IL15: variants seen among roughly 807,000 people sequenced by gnomAD.
IL15 encodes the protein interleukin 15.
IL15 carries 11 observed loss-of-function variants against 19.6 expected under a neutral mutation model. That is an observed-to-expected ratio of 0.56 (90% CI 0.35 to 0.93). The LOEUF (loss-of-function observed/expected upper bound fraction) is 0.93, where lower values mean the gene tolerates loss of function less well. Ranked by LOEUF, IL15 falls within the 40% of genes least tolerant of loss-of-function variation. IL15 has a pLI of 0.01. For missense variants in IL15, 197 were observed against 186.5 expected, an observed-to-expected ratio of 1.06 and a Z score of -0.33; for synonymous variants, 58 against 59.6, an observed-to-expected ratio of 0.97 and a Z score of 0.12.
At chr4:141,731,740 A>G (rs35514738) in intron 7 of IL15, among the ~76,000 whole-genome samples, 1 of 152,304 alleles carries the variant, frequency 6.6e-6, no homozygotes, top group East Asian at 1.9e-4. Context: ...GAAATATGAC[A>G]GTGCTTGGCA....
At chr4:141,647,857 C>T (rs1011986903) in intron 1 of IL15, among the ~76,000 whole-genome samples, 1 of 152,062 alleles carries the variant, frequency 6.6e-6, no homozygotes, top group Non-Finnish European at 1.5e-5. Context: ...ATACTTCTCT[C>T]ATAGTATCTG....
Position 141,733,888 on chromosome 4 carries a change from T to A in IL15, c.*1040T>A, listed in dbSNP as rs1165887029. ...ATCTGACAGAAAATAATTGTTTATA[T>A]TTTTTGCACTACACTGTCTAAAATT... is the stretch of plus-strand genomic sequence containing the variant. On this transcript the variant is annotated 3_prime_UTR_variant, in exon 8 of 8. Transcript: ENST00000320650. 6.6e-6 allele frequency: 1 copy of A among 152,210 alleles called. No homozygotes were observed. The highest frequency in any genetic ancestry group is 1.9e-4 in the East Asian group (1 of 5,194). The allele number at this position is 152,210 out of a possible 1,614,324, so 9.4% of individuals were successfully genotyped here. A position where few individuals can be genotyped will look rare whatever the true frequency, so the allele number is the denominator to read the frequency against.
At chr4:141,662,330 T>C (rs1727820730) in intron 2 of IL15, among the ~76,000 whole-genome samples, 1 of 152,258 alleles carries the variant, frequency 6.6e-6, no homozygotes, top group Admixed American at 6.5e-5. Context: ...TGAATTTGCC[T>C]ATAAGCCTTA....
chr4:141,721,456 C>A (rs1250243988), intron 4 of IL15: 2 of 599,644 alleles, frequency 3.3e-6, no homozygotes, highest in Non-Finnish European at 6.2e-6. Context: ...ATGAAAGGGG[C>A]ATGTTTAATG....
At chr4:141,691,328 A>G (rs1365361174) in intron 2 of IL15, among the ~76,000 whole-genome samples, 1 of 152,110 alleles carries the variant, frequency 6.6e-6, no homozygotes, top group African/African-American at 2.4e-5. Flanking sequence ...AAAGCCAAAC[A>G]TTATCATTCT....
At chr4:141,695,107 C>T (rs1729047927) in intron 2 of IL15, among the ~76,000 whole-genome samples, 1 of 151,852 alleles carries the variant, frequency 6.6e-6, no homozygotes, top group Admixed American at 6.6e-5. Context: ...TTTATCTTCT[C>T]CCCACTCTCA....
At chr4:141,720,910 T>A in intron 4 of IL15, 1 of 542,082 alleles carries the variant, frequency 1.8e-6, no homozygotes, top group Non-Finnish European at 3.2e-6. Context: ...GTTACTTTTT[T>A]ATCTGTCCCT....
At chr4:141,721,075 C>G in intron 4 of IL15, 1 of 1,340,014 alleles carries the variant, frequency 7.5e-7, no homozygotes, top group Non-Finnish European at 1.0e-6. Context: ...CTAATATACC[C>G]AGTTGGCCCA....
intron 2 of IL15, among the ~76,000 whole-genome samples, chr4:141,666,912 T>C (rs1361371151): frequency 6.6e-6 from 1 of 152,172 alleles, no homozygotes; most frequent in East Asian, 1.9e-4. Flanking sequence ...TAGGTCATAC[T>C]CTCTTTGTCC....
chr4:141,639,109 G>C (rs767037565), intron 1 of IL15, among the ~76,000 whole-genome samples: 2 of 152,070 alleles, frequency 1.3e-5, no homozygotes, highest in Non-Finnish European at 2.9e-5. Context: ...TAAAAACATC[G>C]TAATAAACTT....
chr4:141,650,215 G>C (rs1727358190), intron 1 of IL15, among the ~76,000 whole-genome samples: 1 of 152,006 alleles, frequency 6.6e-6, no homozygotes, highest in Admixed American at 6.6e-5. Context: ...ATTGTAACTA[G>C]GATGCTTAAT....
chr4:141,684,388 A>C (rs140529488), intron 2 of IL15, among the ~76,000 whole-genome samples: 55 of 152,132 alleles, frequency 3.6e-4, no homozygotes, highest in Non-Finnish European at 7.2e-4. Context: ...TTTTCTCTTC[A>C]GTTATGTATT....
chr4:141,660,082 C>T (rs1034392003), intron 2 of IL15, among the ~76,000 whole-genome samples: 12 of 152,090 alleles, frequency 7.9e-5, no homozygotes, highest in Admixed American at 3.3e-4. Context: ...GTAACAAGAA[C>T]CCAGAAAGGC....
intron 2 of IL15, among the ~76,000 whole-genome samples, chr4:141,712,996 A>C (rs989081862): frequency 5.9e-5 from 9 of 152,106 alleles, no homozygotes; most frequent in Admixed American, 1.3e-4. Context: ...TAGCCTTATA[A>C]GAGAATTAAT....
chr4:141,678,161 G>A (rs1728412338), intron 2 of IL15, among the ~76,000 whole-genome samples: 1 of 152,178 alleles, frequency 6.6e-6, no homozygotes, highest in Non-Finnish European at 1.5e-5. Context: ...TAAAATAGGA[G>A]ATCCAGATGG....
At chr4:141,686,493 A>G (rs1169868087) in intron 2 of IL15, among the ~76,000 whole-genome samples, 2 of 152,016 alleles carry the variant, frequency 1.3e-5, no homozygotes, top group Non-Finnish European at 2.9e-5. Flanking sequence ...GACACTGCCT[A>G]CTCCTCTGTG....
At chr4:141,722,148 A>G (rs965648258) in intron 5 of IL15, 140 bp downstream of exon 5, 1 of 1,162,456 alleles carries the variant, frequency 8.6e-7, no homozygotes. Context: ...ATAAAGCTCA[A>G]AAAGAAGTCT....
chr4:141,694,379 A>G (rs1729023696), intron 2 of IL15, among the ~76,000 whole-genome samples: 1 of 152,210 alleles, frequency 6.6e-6, no homozygotes, highest in Non-Finnish European at 1.5e-5. Context: ...AGTGAGCTTC[A>G]CCATTCAATA....
intron 2 of IL15, among the ~76,000 whole-genome samples, chr4:141,657,309 G>A (rs1727642070): frequency 6.6e-6 from 1 of 152,200 alleles, no homozygotes; most frequent in African/African-American, 2.4e-5. Flanking sequence ...AGTGAGTGGT[G>A]GGGGAATGTG....
Sources: allele counts gnomAD v4.1 joint callset (sites outside exome capture counted in the v4.1 genomes callset), GRCh38; gene constraint gnomAD v4.1.1; transcripts MANE v1.5; gene names NCBI Gene and HGNC (gene_info 2026-07-23, HGNC 2026-07-21).